FSTL4: variants seen among roughly 807,000 people sequenced by gnomAD.
FSTL4 encodes the protein follistatin like 4.
A neutral mutation model predicts 78.2 loss-of-function variants in FSTL4; 28 were observed. That is an observed-to-expected ratio of 0.36 (90% CI 0.27 to 0.49). The LOEUF (loss-of-function observed/expected upper bound fraction) is 0.49, where lower values mean the gene tolerates loss of function less well. Among genes scored for constraint, FSTL4 ranks in the 20% least tolerant of loss-of-function variants. The pLI is 0.98. For missense variants in FSTL4, 922 were observed against 1,084.9 expected (o/e 0.85, Z 2.11); for synonymous variants, 422 against 440.5 (o/e 0.96, Z 0.53).
At chr5:133,305,749 T>C (rs2126882069) in intron 6 of FSTL4, among the ~76,000 whole-genome samples, 1 of 152,170 alleles carries the variant, frequency 6.6e-6, no homozygotes, top group East Asian at 1.9e-4. Flanking sequence ...TCATCTTTCA[T>C]GGTTCTCCTC....
At chr5:133,331,566 C>T (rs887476340) in intron 4 of FSTL4, among the ~76,000 whole-genome samples, 1 of 152,142 alleles carries the variant, frequency 6.6e-6, no homozygotes, top group East Asian at 1.9e-4. Flanking sequence ...TCTCAGAAAA[C>T]GGGTCTGCTA....
At chr5:133,841,408 A>T in the FSTL4 span, among the ~76,000 whole-genome samples, 1 of 152,236 alleles carries the variant, frequency 6.6e-6, no homozygotes, top group Admixed American at 6.5e-5. Context: ...CTCTTGCAGA[A>T]AGAACAAACA....
At chr5:133,343,302 G>A (rs1248760956) in intron 4 of FSTL4, among the ~76,000 whole-genome samples, 1 of 152,224 alleles carries the variant, frequency 6.6e-6, no homozygotes, top group Non-Finnish European at 1.5e-5. Context: ...CACTAGCGGT[G>A]CCAACAGAAA....
chr5:133,692,337 C>T, the FSTL4 span, among the ~76,000 whole-genome samples: 1 of 152,072 alleles, frequency 6.6e-6, no homozygotes, highest in Admixed American at 6.5e-5. Flanking sequence ...GGAGCCTTAG[C>T]GTGGGTTTCA....
intron 6 of FSTL4, among the ~76,000 whole-genome samples, chr5:133,294,754 C>T (rs2126871877): frequency 6.6e-6 from 1 of 152,274 alleles, no homozygotes; most frequent in East Asian, 1.9e-4. Context: ...GTCTGGTATC[C>T]AGACTCCAAG....
At chr5:133,279,314 G>A (rs1194879563) in intron 6 of FSTL4, among the ~76,000 whole-genome samples, 2 of 152,158 alleles carry the variant, frequency 1.3e-5, no homozygotes, top group Non-Finnish European at 2.9e-5. Context: ...GTGCATGTGG[G>A]GGATTTAGGT....
chr5:133,226,365 G>A (rs1377700359), intron 8 of FSTL4, among the ~76,000 whole-genome samples: 2 of 152,116 alleles, frequency 1.3e-5, no homozygotes, highest in Non-Finnish European at 2.9e-5. Context: ...CCTCAGCTTG[G>A]AGTGACTCAG....
the FSTL4 span, among the ~76,000 whole-genome samples, chr5:133,815,219 C>T: frequency 6.6e-6 from 1 of 152,204 alleles, no homozygotes; most frequent in Non-Finnish European, 1.5e-5. Context: ...GCTCCTGTAG[C>T]TGGAAGGGGT....
At chr5:133,447,836 A>C (rs1440615343) in intron 3 of FSTL4, among the ~76,000 whole-genome samples, 6 of 152,204 alleles carry the variant, frequency 3.9e-5, no homozygotes, top group Non-Finnish European at 2.9e-5. Flanking sequence ...CACTGCACCC[A>C]GCCTAGGATT....
At chr5:133,300,522 C>G (rs1174905028) in intron 6 of FSTL4, among the ~76,000 whole-genome samples, 3 of 152,166 alleles carry the variant, frequency 2.0e-5, no homozygotes, top group African/African-American at 7.2e-5. Flanking sequence ...TTGGCCTGGA[C>G]AGTATTCAGC....
chr5:133,658,793 C>T, the FSTL4 span, among the ~76,000 whole-genome samples: 1 of 152,126 alleles, frequency 6.6e-6, no homozygotes, highest in African/African-American at 2.4e-5. Context: ...CTGCTTTGAA[C>T]ATGACTCACA....
the FSTL4 span, among the ~76,000 whole-genome samples, chr5:133,710,752 G>A: frequency 1.3e-5 from 2 of 152,194 alleles, no homozygotes; most frequent in South Asian, 2.1e-4. Flanking sequence ...AAGTAAATTG[G>A]CAAATAACCA....
At chr5:133,300,584 C>T (rs1023828488) in intron 6 of FSTL4, among the ~76,000 whole-genome samples, 3 of 152,188 alleles carry the variant, frequency 2.0e-5, no homozygotes, top group African/African-American at 7.2e-5. Flanking sequence ...ACCAAGGTGT[C>T]AGCAATTTAC....
At chr5:133,435,123 T>C (rs1298861331) in intron 3 of FSTL4, among the ~76,000 whole-genome samples, 1 of 152,248 alleles carries the variant, frequency 6.6e-6, no homozygotes, top group South Asian at 2.1e-4. Context: ...TCTAATTGTA[T>C]CTTCCTTTTT....
At chr5:133,772,412 C>T in the FSTL4 span, among the ~76,000 whole-genome samples, 1 of 152,094 alleles carries the variant, frequency 6.6e-6, no homozygotes, top group African/African-American at 2.4e-5. Context: ...TAGTTTTTGT[C>T]CATTTGATGT....
chr5:133,463,000 C>T (rs767581793), intron 3 of FSTL4, among the ~76,000 whole-genome samples: 6 of 152,324 alleles, frequency 3.9e-5, no homozygotes, highest in Non-Finnish European at 8.8e-5. Flanking sequence ...CATCTTCCTT[C>T]CAAAGCCTGG....
At chr5:133,394,080 G>C (rs1203864645) in intron 4 of FSTL4, among the ~76,000 whole-genome samples, 1 of 152,240 alleles carries the variant, frequency 6.6e-6, no homozygotes, top group Non-Finnish European at 1.5e-5. Context: ...GCTGGGCCCT[G>C]GCTTGGCTCT....
chr5:133,661,564 C>T, the FSTL4 span, among the ~76,000 whole-genome samples: 1 of 152,188 alleles, frequency 6.6e-6, no homozygotes, highest in Admixed American at 6.5e-5. Context: ...ACAGCCTAAC[C>T]TCATAGTGGC....
At chr5:133,536,398 A>C (rs1470465163) in intron 3 of FSTL4, among the ~76,000 whole-genome samples, 1 of 152,178 alleles carries the variant, frequency 6.6e-6, no homozygotes, top group Non-Finnish European at 1.5e-5. Context: ...CTATTTCAAC[A>C]AAATATTTGT....
Sources: gnomAD v4.1 joint callset for allele counts (sites outside exome capture counted in the v4.1 genomes callset) on GRCh38, gnomAD v4.1.1 for gene constraint, MANE v1.5 for transcripts, NCBI Gene and HGNC (gene_info 2026-07-23, HGNC 2026-07-21) for gene names.